Variants in ERC2 observed in about 807,000 individuals in gnomAD.
ERC2 encodes ERC protein 2.
Under a neutral mutation model 114.8 loss-of-function variants are expected in ERC2, and 42 were observed. That is an observed-to-expected ratio of 0.37 (90% confidence interval 0.29 to 0.47). ERC2 has a LOEUF of 0.47. Among genes scored for constraint, ERC2 ranks in the 20% least tolerant of loss-of-function variants. The probability of loss-of-function intolerance (pLI) is 0.99; values close to 1 mark genes in which losing one functional copy is unlikely to be tolerated. For missense variants in ERC2, 939 were observed against 1,150.7 expected, an observed-to-expected ratio of 0.82 and a Z score of 2.66; for synonymous variants, 454 against 425.5, an observed-to-expected ratio of 1.07 and a Z score of -0.82.
intron 1 of ERC2, among the ~76,000 whole-genome samples, chr3:56,437,010 G>T (rs781156344): frequency 6.6e-6 from 1 of 152,134 alleles, no homozygotes; most frequent in Admixed American, 6.5e-5. Context: ...TTGCATTAAA[G>T]GTCTCAATCC....
At chr3:56,208,696 A>G (rs6800915) in intron 3 of ERC2, among the ~76,000 whole-genome samples, 135,510 of 152,194 alleles carry the variant, frequency 0.89, 61,415 homozygotes, top group East Asian at 1. Flanking sequence ...TAACTCAGTG[A>G]CAAAAGACAT....
intron 14 of ERC2, among the ~76,000 whole-genome samples, chr3:55,837,124 T>C (rs1442639781): frequency 6.6e-6 from 1 of 152,110 alleles, no homozygotes; most frequent in Non-Finnish European, 1.5e-5. Flanking sequence ...GGAGAGGATG[T>C]GGAGAAATAG....
In ERC2 at chr3:55,512,992, C is replaced by T. The variant is rs117251465; in HGVS notation, c.*40-1716G>A. Among the ~76,000 whole-genome samples, 91 of 152,326 alleles carry T rather than the reference C, an allele frequency of 6.0e-4. No homozygotes were observed. In the East Asian group the frequency reaches 0.016, roughly 26 times the overall value. ...ATGCTTTAAAAATAAAAATAAAAAACGAATCCTGGCTTCCAGCAATGAGCC... is the reference window on the plus strand; with the variant it reads ...ATGCTTTAAAAATAAAAATAAAAAATGAATCCTGGCTTCCAGCAATGAGCC... On this transcript the variant is annotated intron_variant, in intron 17 of 17. Coordinates refer to ENST00000288221, the MANE Select transcript of ERC2 (RefSeq NM_015576.3).
chr3:55,934,099 C>T (rs746210219), intron 13 of ERC2, among the ~76,000 whole-genome samples: 26 of 152,100 alleles, frequency 1.7e-4, no homozygotes, highest in East Asian at 3.9e-4. Context: ...TCTATATACG[C>T]GCATATATAC....
chr3:55,926,746 C>T (rs146494125), intron 13 of ERC2, among the ~76,000 whole-genome samples: 6 of 152,232 alleles, frequency 3.9e-5, no homozygotes, highest in African/African-American at 1.4e-4. Flanking sequence ...CAGGCAGCCC[C>T]TGGAGAGTCC....
chr3:56,258,958 C>A (rs2052714942), intron 3 of ERC2, among the ~76,000 whole-genome samples: 1 of 147,098 alleles, frequency 6.8e-6, no homozygotes, highest in African/African-American at 2.5e-5. Context: ...CTATGTTTTT[C>A]TTTTAATTAA....
intron 17 of ERC2, among the ~76,000 whole-genome samples, chr3:55,576,516 C>G (rs1249580829): frequency 6.6e-6 from 1 of 152,164 alleles, no homozygotes; most frequent in East Asian, 1.9e-4. Context: ...CAGCAGGGCT[C>G]AAACCCAGGT....
At chr3:55,818,118 A>G (rs1199653667) in intron 14 of ERC2, among the ~76,000 whole-genome samples, 1 of 152,222 alleles carries the variant, frequency 6.6e-6, no homozygotes, top group Non-Finnish European at 1.5e-5. Context: ...TTCTTTTGGC[A>G]AAACAGCCAA....
chr3:56,231,904 C>A (rs949469982), intron 3 of ERC2, among the ~76,000 whole-genome samples: 1 of 150,586 alleles, frequency 6.6e-6, no homozygotes, highest in Non-Finnish European at 1.5e-5. Context: ...TGCCTCCACA[C>A]AAAATGAGGT....
intron 14 of ERC2, 134 bp from the exon 15 acceptor site, chr3:55,735,052 T>C (rs1181309898): frequency 1.1e-5 from 11 of 968,808 alleles, no homozygotes; most frequent in Non-Finnish European, 1.6e-5. Context: ...TAAAACAAAC[T>C]AGCTCTTTGG....
chr3:56,135,933 G>C (rs1431098797), intron 6 of ERC2, among the ~76,000 whole-genome samples: 1 of 152,196 alleles, frequency 6.6e-6, no homozygotes, highest in African/African-American at 2.4e-5. Flanking sequence ...AAGGGCAGTA[G>C]CAAAATAAGA....
intron 2 of ERC2, among the ~76,000 whole-genome samples, chr3:56,392,404 T>A (rs771652081): frequency 2.0e-5 from 3 of 152,182 alleles, no homozygotes; most frequent in Non-Finnish European, 4.4e-5. Context: ...TCTTTCTTGT[T>A]GGGGCTTTAT....
At chr3:55,719,716 A>G (rs980616604) in intron 15 of ERC2, among the ~76,000 whole-genome samples, 3 of 152,102 alleles carry the variant, frequency 2.0e-5, no homozygotes, top group Non-Finnish European at 4.4e-5. Flanking sequence ...CCACCAATAT[A>G]TCAACTTTTT....
At chr3:55,968,952 C>T (rs2149481560) in intron 12 of ERC2, among the ~76,000 whole-genome samples, 1 of 152,136 alleles carries the variant, frequency 6.6e-6, no homozygotes, top group Non-Finnish European at 1.5e-5. Flanking sequence ...GGGGTCTATT[C>T]TACTCGGAAT....
intron 14 of ERC2, among the ~76,000 whole-genome samples, chr3:55,752,767 C>T (rs868515749): frequency 8.5e-5 from 4 of 47,118 alleles, no homozygotes; most frequent in South Asian, 1.0e-3. Context: ...GATTCGAACC[C>T]GGGTATTTAT....
intron 14 of ERC2, among the ~76,000 whole-genome samples, chr3:55,838,889 G>T (rs1413838479): frequency 1.3e-5 from 2 of 151,680 alleles, no homozygotes; most frequent in African/African-American, 4.8e-5. Flanking sequence ...CACTCAAAAA[G>T]AAATAGATAA....
intron 17 of ERC2, among the ~76,000 whole-genome samples, chr3:55,672,825 C>A (rs1017556198): frequency 6.6e-6 from 1 of 152,162 alleles, no homozygotes; most frequent in African/African-American, 2.4e-5. Context: ...GAAATGCAAC[C>A]CAGCTACATA....
At chr3:55,836,526 G>T (rs2060892119) in intron 14 of ERC2, among the ~76,000 whole-genome samples, 1 of 152,166 alleles carries the variant, frequency 6.6e-6, no homozygotes, top group Admixed American at 6.5e-5. Context: ...TTTAATAAAT[G>T]GTGCTGGGAA....
chr3:56,394,279 C>G (rs1239561849), intron 2 of ERC2, among the ~76,000 whole-genome samples: 3 of 152,124 alleles, frequency 2.0e-5, no homozygotes, highest in African/African-American at 7.2e-5. Flanking sequence ...AATTAATTTT[C>G]TTGTTGAAAA....
Sources: allele counts gnomAD v4.1 joint callset (sites outside exome capture counted in the v4.1 genomes callset), GRCh38; gene constraint gnomAD v4.1.1; transcripts MANE v1.5; gene names NCBI Gene and HGNC (gene_info 2026-07-23, HGNC 2026-07-21).